The following C6orf62 variants were observed in gnomAD, a reference collection of about 807,000 sequenced individuals.
The protein encoded by C6orf62 is chromosome 6 open reading frame 62, also known as uncharacterized protein C6orf62.
A neutral mutation model predicts 26.8 loss-of-function variants in C6orf62; 16 were observed. That is an observed-to-expected ratio of 0.60 (90% confidence interval 0.40 to 0.91). C6orf62 has a LOEUF of 0.91. C6orf62 is among the 40% of genes least tolerant of loss of function. The pLI, the probability that C6orf62 is intolerant of heterozygous loss-of-function variation, is 0.00. For missense variants in C6orf62, 192 were observed against 271.4 expected (o/e 0.71, Z 2.06); for synonymous variants, 112 against 91.5 (o/e 1.22, Z -1.28).
chr6:24,719,986 ATTGTG>A (rs557404214), upstream of C6orf62: 570 of 1,543,666 alleles, frequency 3.7e-4, 2 homozygotes, highest in African/African-American at 5.6e-3. Context: ...AAAGAAAATA[ATTGTG>A]TTAATATTAC....
intron 1 of C6orf62, 44 bp downstream of exon 1, chr6:24,718,496 C>CA: frequency 6.5e-7 from 1 of 1,531,740 alleles, no homozygotes; most frequent in Non-Finnish European, 8.9e-7. Flanking sequence ...TATACACTTA[C>CA]AAAAATTACT....
At chr6:24,719,940 G>T, upstream of C6orf62, 1 of 1,550,416 alleles carries the variant, frequency 6.4e-7, no homozygotes, top group Non-Finnish European at 8.7e-7. Flanking sequence ...TGGAGTGGGC[G>T]GGAGAGGGTA....
chr6:24,706,115 C>A lies in C6orf62; in HGVS notation c.*22G>T, dbSNP rs1194544644. On this transcript the variant is annotated 3_prime_UTR_variant, in exon 5 of 5. Transcript: ENST00000378119. ...AACTGCTGCTGCATTCTCTGATCTT[C>A]TCCATTTTGCTGGTCAGTACTCTAC... is the stretch of plus-strand genomic sequence containing the variant. 6.2e-7 allele frequency: 1 copy of A among 1,608,148 alleles called. No individual in the cohort carries two copies. The highest frequency in any genetic ancestry group is 1.3e-5 in the African/African-American group (1 of 74,822).
chr6:24,719,604 CTG>C (rs1779313303), upstream of C6orf62: 1 of 1,404,920 alleles, frequency 7.1e-7, no homozygotes, highest in African/African-American at 1.5e-5. Context: ...TATTCCGGCT[CTG>C]TGGTTAGACC....
At chr6:24,710,666 A>C in intron 3 of C6orf62, 1 of 973,562 alleles carries the variant, frequency 1.0e-6, no homozygotes, top group Non-Finnish European at 1.2e-6. Context: ...TTAAAGATTA[A>C]GAGGATTTCC....
chr6:24,705,280 T>C lies in C6orf62; in HGVS notation c.*857A>G, dbSNP rs980771124. On this transcript the variant is annotated 3_prime_UTR_variant, in exon 5 of 5. Transcript: ENST00000378119. Reference sequence around the variant, plus strand: ...TTCTGCACAATTCACTGGAATTTTTTTCTTTGTAATAAAAATCTCTTCTCT... The same window carrying C: ...TTCTGCACAATTCACTGGAATTTTTCTCTTTGTAATAAAAATCTCTTCTCT... 4.6e-5 allele frequency: 7 copies of C among 152,642 alleles called. No individual in the cohort carries two copies. The highest frequency in any genetic ancestry group is 1.7e-4 in the African/African-American group (7 of 41,452). The allele number at this position is 152,642 out of a possible 1,614,324, so 9.5% of individuals were successfully genotyped here.
At chr6:24,708,682 G>C in intron 4 of C6orf62, 95 bp downstream of exon 4, 3 of 1,498,234 alleles carry the variant, frequency 2.0e-6, no homozygotes, top group Non-Finnish European at 2.8e-6. Context: ...GCAGTGTTTG[G>C]GGGACACAAC....
intron 1 of C6orf62, 51 bp from the exon 2 acceptor site, chr6:24,716,375 ACACT>A (rs1201156878): frequency 7.6e-7 from 1 of 1,323,474 alleles, no homozygotes; most frequent in African/African-American, 1.5e-5. Flanking sequence ...CAGCCTTTTA[ACACT>A]CAGTTCATAT....
intron 1 of C6orf62, among the ~76,000 whole-genome samples, chr6:24,716,966 GC>G (rs1470122640): frequency 6.6e-6 from 1 of 151,882 alleles, no homozygotes; most frequent in African/African-American, 2.4e-5. Context: ...CAAGTGATCC[GC>G]CTGCCTCAGC....
upstream of C6orf62, chr6:24,719,305 T>A: frequency 1.0e-5 from 10 of 991,258 alleles, no homozygotes; most frequent in Non-Finnish European, 1.2e-5. Flanking sequence ...CAGATTTCAC[T>A]ATTGCTATGT....
chr6:24,715,317 C>G (rs1455352967), intron 2 of C6orf62, among the ~76,000 whole-genome samples: 2 of 152,156 alleles, frequency 1.3e-5, no homozygotes, highest in East Asian at 3.8e-4. Flanking sequence ...CCCAGATTAA[C>G]TTTTAACATG....
Position 24,708,815 on chromosome 6 carries a change from G to A in C6orf62, c.526C>T (p.Gln176Ter). ...CTGTCAATGAAGAGAAACACTGACT[G>A]GTTAGGATTGTTGACAACGATTCCA... is the stretch of plus-strand genomic sequence containing the variant. ...KTGIVVNNPN[Q>*]SVFLFIDRQH... Residue 176 changes from glutamine (Q) to a stop codon, truncating the protein, a stop_gained, in exon 4 of 5, where the codon CAG (glutamine) becomes TAG (stop). Coordinates refer to ENST00000378119, the MANE Select transcript of C6orf62 (RefSeq NM_030939.5). LOFTEE classifies it high-confidence loss of function. 1 of 1,614,180 alleles carries A rather than the reference G, an allele frequency of 6.2e-7. No homozygotes were observed. The highest frequency in any genetic ancestry group is 8.5e-7 in the Non-Finnish European group (1 of 1,180,030).
chr6:24,714,204 C>T (rs557460274), intron 3 of C6orf62, 114 bp downstream of exon 3: 56 of 772,264 alleles, frequency 7.3e-5, no homozygotes, highest in African/African-American at 6.1e-4. Flanking sequence ...AGGGGAGACT[C>T]GTGAAATAAA....
chr6:24,710,696 G>T, intron 3 of C6orf62: 1 of 877,226 alleles, frequency 1.1e-6, no homozygotes, highest in Non-Finnish European at 1.4e-6. Context: ...AGTAGTAATG[G>T]TAAGTAATCT....
chr6:24,714,718 C>T (rs980988061), intron 2 of C6orf62, among the ~76,000 whole-genome samples: 5 of 152,096 alleles, frequency 3.3e-5, no homozygotes, highest in African/African-American at 4.8e-5. Flanking sequence ...CAGGTTCAAG[C>T]GATTCTCGTG....
Position 24,716,065 on chromosome 6 carries a change from C to CTTTAAGGG in C6orf62, c.306+75_306+82dup. On this transcript the variant is annotated intron_variant, in intron 2 of 4. Transcript: ENST00000378119. ...GACTGGTCACTATCATAACTATCCA[C>CTTTAAGGG]TTTAAGGGGGGTTCGGGGGGCGGGG... 4 of 1,136,588 alleles carry CTTTAAGGG rather than the reference C, an allele frequency of 3.5e-6. No homozygotes were observed. In the South Asian group the frequency reaches 4.1e-5, roughly 12 times the overall value. The allele number at this position is 1,136,588 out of a possible 1,614,324, so 70.4% of individuals were successfully genotyped here. A position where few individuals can be genotyped will look rare whatever the true frequency, so the allele number is the denominator to read the frequency against.
chr6:24,718,496 C>A lies in C6orf62; in HGVS notation c.129+44G>T, dbSNP rs756903820. ...AAGAGTAACAAATAATATACACTTA[C>A]AAAAATTACTTGTGCTAATTCACCA... On this transcript the variant is annotated intron_variant, in intron 1 of 4. Transcript: ENST00000378119. 8 of 1,531,620 alleles carry A rather than the reference C, an allele frequency of 5.2e-6. No individual in the cohort carries two copies. The African/African-American group carries it at 5.6e-5, about 11-fold the overall frequency. The allele number at this position is 1,531,620 out of a possible 1,614,324, so 94.9% of individuals were successfully genotyped here.
Position 24,719,139 on chromosome 6 carries a change from T to C in C6orf62, c.-471A>G, listed in dbSNP as rs1299420168. Reference sequence around the variant, plus strand: ...GGATTAAGGAACAGGGAGGGGGAAGTGTGATCCTTGCTTTCCAAAAAAAAA... The same window carrying C: ...GGATTAAGGAACAGGGAGGGGGAAGCGTGATCCTTGCTTTCCAAAAAAAAA... On this transcript the variant is annotated 5_prime_UTR_variant, in exon 1 of 5. Transcript: ENST00000378119. 3.5e-5 allele frequency: 34 copies of C among 960,324 alleles called. No individual in the cohort carries two copies. The African/African-American group carries it at 5.9e-4, about 17-fold the overall frequency. 59.5% of individuals were successfully genotyped at this position (960,324 alleles called of 1,614,324 possible). A position where few individuals can be genotyped will look rare whatever the true frequency, so the allele number is the denominator to read the frequency against.
chr6:24,713,244 A>G (rs1216653481), intron 3 of C6orf62, among the ~76,000 whole-genome samples: 1 of 152,214 alleles, frequency 6.6e-6, no homozygotes, highest in African/African-American at 2.4e-5. Flanking sequence ...AAGTTGAAAA[A>G]ATCTTAAGTC....
Sources: allele counts gnomAD v4.1 joint callset (sites outside exome capture counted in the v4.1 genomes callset), GRCh38; gene constraint gnomAD v4.1.1; transcripts MANE v1.5; gene names NCBI Gene and HGNC (gene_info 2026-07-23, HGNC 2026-07-21).